The following GALNT10 variants were observed in gnomAD, a reference collection of about 807,000 sequenced individuals.
The protein encoded by GALNT10 is polypeptide N-acetylgalactosaminyltransferase 10.
Under a neutral mutation model 75.0 loss-of-function variants are expected in GALNT10, and 41 were observed. That is an observed-to-expected ratio of 0.55 (90% CI 0.43 to 0.71). The LOEUF (loss-of-function observed/expected upper bound fraction) is 0.71. Among genes scored for constraint, GALNT10 ranks in the 30% least tolerant of loss-of-function variants. The pLI, the probability that GALNT10 is intolerant of heterozygous loss-of-function variation, is 0.00. For missense variants in GALNT10, 727 were observed against 818.5 expected (o/e 0.89, Z 1.36); for synonymous variants, 302 against 313.0 (o/e 0.96, Z 0.37).
chr5:154,405,001 G>T (rs1257295364), intron 8 of GALNT10, among the ~76,000 whole-genome samples: 2 of 152,190 alleles, frequency 1.3e-5, no homozygotes, highest in African/African-American at 4.8e-5. Flanking sequence ...ATAAATCCAG[G>T]TGACCACAAA....
intron 4 of GALNT10, among the ~76,000 whole-genome samples, chr5:154,368,839 A>G (rs976905862): frequency 3.9e-5 from 6 of 152,242 alleles, no homozygotes; most frequent in African/African-American, 7.2e-5. Context: ...AGCAAGGGAA[A>G]GCCTTAGACA....
rs529626068 is a variant in GALNT10, at chr5:154,333,350, G to T, written c.568+3612G>T. 4.6e-5 allele frequency among the ~76,000 whole-genome samples: 7 copies of T among 152,256 alleles called. No homozygotes were observed. The South Asian group carries it at 1.0e-3, about 23-fold the overall frequency. On this transcript the variant is annotated intron_variant, in intron 4 of 11. Coordinates refer to ENST00000297107, the MANE Select transcript of GALNT10 (RefSeq NM_198321.4). ...AGCCTTGTCCCCACTCGCCTTGGGT[G>T]GTTAAGTGACACATCTGCAGAAACA...
chr5:154,344,411 T>C (rs970249962), intron 4 of GALNT10, among the ~76,000 whole-genome samples: 6 of 152,006 alleles, frequency 3.9e-5, no homozygotes, highest in Non-Finnish European at 7.4e-5. Context: ...AGGGTTTCAC[T>C]ATGTTGGCCA....
intron 1 of GALNT10, among the ~76,000 whole-genome samples, chr5:154,271,556 G>A (rs1369034983): frequency 6.6e-6 from 1 of 152,232 alleles, no homozygotes; most frequent in African/African-American, 2.4e-5. Context: ...CCAAGGGGTT[G>A]TGTGTGGGTG....
chr5:154,231,384 C>T (rs1031345244), intron 1 of GALNT10, among the ~76,000 whole-genome samples: 1 of 152,128 alleles, frequency 6.6e-6, no homozygotes, highest in Non-Finnish European at 1.5e-5. Flanking sequence ...TTGGGAAAAT[C>T]TTTTCAAGCC....
chr5:154,315,514 C>T (rs1462084427), intron 3 of GALNT10, among the ~76,000 whole-genome samples: 1 of 152,218 alleles, frequency 6.6e-6, no homozygotes, highest in Non-Finnish European at 1.5e-5. Context: ...TGTCTGCTCC[C>T]CTCATTAGCT....
At chr5:154,325,451 T>G (rs1754743008) in intron 3 of GALNT10, among the ~76,000 whole-genome samples, 1 of 152,224 alleles carries the variant, frequency 6.6e-6, no homozygotes, top group South Asian at 2.1e-4. Flanking sequence ...TAAGTATTGA[T>G]GCAAAAATTC....
At chr5:154,364,727 G>A (rs1755449931) in intron 4 of GALNT10, among the ~76,000 whole-genome samples, 1 of 151,932 alleles carries the variant, frequency 6.6e-6, no homozygotes, top group South Asian at 2.1e-4. Context: ...CATGGAAGCC[G>A]GCATCCTAAA....
intron 4 of GALNT10, among the ~76,000 whole-genome samples, chr5:154,330,323 G>A (rs1211830363): frequency 6.6e-6 from 1 of 152,236 alleles, no homozygotes; most frequent in African/African-American, 2.4e-5. Context: ...AAGGAAGGCA[G>A]GGAATGTGAG....
intron 4 of GALNT10, among the ~76,000 whole-genome samples, chr5:154,339,021 C>T (rs921299865): frequency 1.3e-5 from 2 of 152,202 alleles, no homozygotes; most frequent in Admixed American, 6.5e-5. Context: ...GCCTGTCTGG[C>T]CTCACCTCCA....
chr5:154,288,905 A>G (rs866459769), intron 1 of GALNT10, among the ~76,000 whole-genome samples: 1 of 152,154 alleles, frequency 6.6e-6, no homozygotes, highest in South Asian at 2.1e-4. Flanking sequence ...GTAGAATGCC[A>G]CTATTAACTA....
intron 5 of GALNT10, among the ~76,000 whole-genome samples, chr5:154,380,048 A>G (rs1755710553): frequency 6.6e-5 from 10 of 152,238 alleles, no homozygotes; most frequent in Admixed American, 6.5e-4. Flanking sequence ...TCGCAGGACT[A>G]GAGCAGGGGC....
intron 1 of GALNT10, among the ~76,000 whole-genome samples, chr5:154,276,832 A>T (rs532023388): frequency 2.0e-5 from 3 of 152,276 alleles, no homozygotes; most frequent in Non-Finnish European, 4.4e-5. Context: ...CGGGGATAGA[A>T]GTGGGGCCTC....
intron 1 of GALNT10, among the ~76,000 whole-genome samples, chr5:154,191,998 G>A (rs1774867310): frequency 6.6e-6 from 1 of 152,258 alleles, no homozygotes; most frequent in Non-Finnish European, 1.5e-5. Context: ...CCTCCCAGGA[G>A]GTGCTAGTGA....
intron 7 of GALNT10, among the ~76,000 whole-genome samples, chr5:154,399,364 G>A (rs182808888): frequency 4.5e-4 from 69 of 152,292 alleles, no homozygotes; most frequent in African/African-American, 1.5e-3. Context: ...CTGTCTCTCC[G>A]TGGCAGAGTT....
intron 6 of GALNT10, among the ~76,000 whole-genome samples, chr5:154,382,175 C>G (rs1168904312): frequency 6.6e-6 from 1 of 152,180 alleles, no homozygotes; most frequent in Non-Finnish European, 1.5e-5. Flanking sequence ...AGAGGAACCC[C>G]TAACACTATG....
In GALNT10 at chr5:154,330,357, G is replaced by A. The variant is rs534357211; in HGVS notation, c.568+619G>A. 4.7e-4 allele frequency among the ~76,000 whole-genome samples: 71 copies of A among 152,350 alleles called. No individual in the cohort carries two copies. In the South Asian group the frequency reaches 8.9e-3, roughly 19 times the overall value. On this transcript the variant is annotated intron_variant, in intron 4 of 11. Transcript: ENST00000297107. ...AGTGTTTTGGTTTGTGGCCTCTTTG[G>A]TGAGTTAGGAAAGGGAGAAGTGGAT...
rs969564100 is a variant in GALNT10, at chr5:154,420,929, C to A, written c.*3957C>A. 1 of 152,260 alleles carries A rather than the reference C, an allele frequency of 6.6e-6. No homozygotes were observed. Among genetic ancestry groups the A allele is most frequent in the East Asian group, 1.9e-4 (1 of 5,206 alleles). The allele number at this position is 152,260 out of a possible 1,614,324, so 9.4% of individuals were successfully genotyped here. On this transcript the variant is annotated 3_prime_UTR_variant, in exon 12 of 12. Coordinates refer to ENST00000297107, the MANE Select transcript of GALNT10 (RefSeq NM_198321.4). ...TAAGCCTTTGTGAAAGACTGATTTA[C>A]CATGTACAATTGTGATTGTGAACGT...
chr5:154,220,635 C>T (rs1463672024), intron 1 of GALNT10, among the ~76,000 whole-genome samples: 1 of 152,194 alleles, frequency 6.6e-6, no homozygotes, highest in Non-Finnish European at 1.5e-5. Flanking sequence ...AACTTCCAAG[C>T]AAATGGAATC....
Sources: gnomAD v4.1 joint callset for allele counts (sites outside exome capture counted in the v4.1 genomes callset) on GRCh38, gnomAD v4.1.1 for gene constraint, MANE v1.5 for transcripts, NCBI Gene and HGNC (gene_info 2026-07-23, HGNC 2026-07-21) for gene names.